The following CEP83 variants were observed in gnomAD, a reference collection of about 807,000 sequenced individuals.
CEP83 encodes centrosomal protein of 83 kDa.
In CEP83, 70 loss-of-function variants were observed where a neutral mutation model predicts 101.9. That is an observed-to-expected ratio of 0.69 (90% CI 0.57 to 0.84). CEP83 has a LOEUF of 0.84. Ranked by LOEUF, CEP83 falls within the 40% of genes least tolerant of loss-of-function variation. The pLI is 0.00. For missense variants in CEP83, 715 were observed against 787.2 expected, an observed-to-expected ratio of 0.91 and a Z score of 1.10; for synonymous variants, 264 against 267.9, an observed-to-expected ratio of 0.99 and a Z score of 0.14.
At chr12:94,284,031 T>C in the CEP83 span, among the ~76,000 whole-genome samples, 2 of 141,636 alleles carry the variant, frequency 1.4e-5, no homozygotes, top group African/African-American at 2.7e-5. Flanking sequence ...TGCAGTGAGC[T>C]GAGATGGTGC....
chr12:94,409,028 T>C (rs2063721942), intron 4 of CEP83, among the ~76,000 whole-genome samples: 1 of 151,986 alleles, frequency 6.6e-6, no homozygotes, highest in African/African-American at 2.4e-5. Context: ...AGAGATGACA[T>C]TAAATCTTAG....
At chr12:94,458,349 G>A (rs1031087280) in intron 1 of CEP83, among the ~76,000 whole-genome samples, 3 of 152,204 alleles carry the variant, frequency 2.0e-5, no homozygotes, top group Non-Finnish European at 4.4e-5. Context: ...AACACTCAAA[G>A]TAAGGGGAAT....
At chr12:94,452,008 A>G (rs1326162522) in intron 1 of CEP83, among the ~76,000 whole-genome samples, 2 of 152,210 alleles carry the variant, frequency 1.3e-5, no homozygotes, top group Admixed American at 6.5e-5. Context: ...CACGAATACT[A>G]TGCAACAATT....
chr12:94,288,750 G>A, the CEP83 span, among the ~76,000 whole-genome samples: 1 of 152,208 alleles, frequency 6.6e-6, no homozygotes. Context: ...AGAGCTGAGG[G>A]AGAAGACGAT....
At chr12:94,362,074 C>T (rs1412852860) in intron 11 of CEP83, among the ~76,000 whole-genome samples, 1 of 151,984 alleles carries the variant, frequency 6.6e-6, no homozygotes, top group Admixed American at 6.6e-5. Flanking sequence ...TGCAAAAAGC[C>T]CCAAGTAATT....
chr12:94,326,769 G>A (rs1032376733), intron 14 of CEP83, among the ~76,000 whole-genome samples: 6 of 152,118 alleles, frequency 3.9e-5, no homozygotes, highest in African/African-American at 1.4e-4. Context: ...TGATGTGCCT[G>A]TCTAAAACCC....
chr12:94,285,112 T>C, the CEP83 span, among the ~76,000 whole-genome samples: 3 of 80,548 alleles, frequency 3.7e-5, no homozygotes, highest in African/African-American at 1.4e-4. Flanking sequence ...GTCAAAGATA[T>C]CAGTTGGGGA....
chr12:94,404,751 CAA>C (rs760979420), intron 4 of CEP83, among the ~76,000 whole-genome samples: 2 of 151,958 alleles, frequency 1.3e-5, no homozygotes, highest in African/African-American at 2.4e-5. Context: ...ATAATTCAAA[CAA>C]AAGACTAAAA....
chr12:94,455,258 G>T (rs768732710), intron 1 of CEP83, among the ~76,000 whole-genome samples: 2 of 152,144 alleles, frequency 1.3e-5, no homozygotes, highest in Non-Finnish European at 2.9e-5. Context: ...TGAAATAGCT[G>T]CCTTAAAACA....
Position 94,378,979 on chromosome 12 carries a change from T to C in CEP83, c.613A>G (p.Lys205Glu), listed in dbSNP as rs770141064. ...RNQLLNVDLT[K>E]DSKRVEQLAR... ...AGTTGTTCCACTCGTTTGCTGTCTT[T>C]TGTGAGATCAACATTAAGCAGCTGG... is the stretch of plus-strand genomic sequence containing the variant. Residue 205 changes from lysine (K) to glutamate (E), a missense_variant, in exon 7 of 17, where the codon AAA (lysine) becomes GAA (glutamate). Physicochemically the swap from Lys to Glu is moderately conservative, Grantham distance 56 (BLOSUM62 1). Transcript: ENST00000397809. The C allele has an allele frequency of 1.2e-6, 2 of 1,613,924 alleles. No individual in the cohort carries two copies. Among genetic ancestry groups the C allele is most frequent in the Admixed American group, 1.7e-5 (1 of 59,976 alleles).
the CEP83 span, chr12:94,294,518 GA>G: frequency 7.6e-7 from 1 of 1,316,356 alleles, no homozygotes; most frequent in Non-Finnish European, 1.1e-6. Context: ...AAGTCTTTAA[GA>G]AGATAGCAAA....
chr12:94,304,581 C>G (rs1284913727), downstream of CEP83, among the ~76,000 whole-genome samples: 15 of 151,946 alleles, frequency 9.9e-5, no homozygotes, highest in Non-Finnish European at 5.9e-5. Flanking sequence ...ATGTTAACTC[C>G]CCCTTCCCTG....
At chr12:94,359,759 G>T (rs913950833) in intron 11 of CEP83, among the ~76,000 whole-genome samples, 1 of 152,086 alleles carries the variant, frequency 6.6e-6, no homozygotes, top group Non-Finnish European at 1.5e-5. Context: ...TTGAAAGGGA[G>T]AGGATTCTTC....
At chr12:94,358,435 A>C (rs986054063) in intron 11 of CEP83, among the ~76,000 whole-genome samples, 1 of 152,224 alleles carries the variant, frequency 6.6e-6, no homozygotes, top group African/African-American at 2.4e-5. Flanking sequence ...TTTTGATGGC[A>C]GCCATTGTTA....
intron 1 of CEP83, among the ~76,000 whole-genome samples, chr12:94,435,966 G>C (rs999438802): frequency 6.6e-6 from 1 of 151,908 alleles, no homozygotes; most frequent in African/African-American, 2.4e-5. Flanking sequence ...TGGGTGGCTA[G>C]ACCCAGAACG....
downstream of CEP83, chr12:94,307,667 G>GTAAC (rs1205588971): frequency 3.6e-5 from 5 of 138,206 alleles, no homozygotes; most frequent in African/African-American, 1.3e-4. Flanking sequence ...ACATTTTGAT[G>GTAAC]TAACTGTGGA....
chr12:94,363,595 T>C (rs1035905383), intron 11 of CEP83, among the ~76,000 whole-genome samples: 1 of 152,084 alleles, frequency 6.6e-6, no homozygotes, highest in Non-Finnish European at 1.5e-5. Flanking sequence ...CAGGTGTCCA[T>C]AAACAAATCG....
the CEP83 span, among the ~76,000 whole-genome samples, chr12:94,299,384 AG>A: frequency 2.6e-4 from 40 of 152,206 alleles, no homozygotes; most frequent in Admixed American, 1.4e-3. Context: ...GATAAGACTC[AG>A]AGTTATGATG....
chr12:94,440,655 C>T (rs2066334809), intron 1 of CEP83, among the ~76,000 whole-genome samples: 1 of 151,916 alleles, frequency 6.6e-6, no homozygotes, highest in African/African-American at 2.4e-5. Flanking sequence ...CATCAAAATA[C>T]CACCATCGTT....
Sources: gnomAD v4.1 joint callset for allele counts (sites outside exome capture counted in the v4.1 genomes callset) on GRCh38, gnomAD v4.1.1 for gene constraint, MANE v1.5 for transcripts, NCBI Gene and HGNC (gene_info 2026-07-23, HGNC 2026-07-21) for gene names.